Variants in NAA25 observed in about 807,000 individuals in gnomAD.
The protein encoded by NAA25 is N-alpha-acetyltransferase 25, NatB auxiliary subunit.
NAA25 carries 30 observed loss-of-function variants against 132.5 expected under a neutral mutation model. That is an observed-to-expected ratio of 0.23 (90% confidence interval 0.17 to 0.31). The LOEUF (loss-of-function observed/expected upper bound fraction) is 0.31, where lower values mean the gene tolerates loss of function less well. Among genes scored for constraint, NAA25 ranks in the 10% least tolerant of loss-of-function variants. The probability of loss-of-function intolerance (pLI) is 1.00; values close to 1 mark genes in which losing one functional copy is unlikely to be tolerated. For synonymous variants in NAA25, 359 were observed against 401.9 expected, an observed-to-expected ratio of 0.89 and a Z score of 1.28; for missense variants, 771 against 1,150.4, an observed-to-expected ratio of 0.67 and a Z score of 4.77.
At chr12:112,036,784 G>C (rs2078228565) in intron 22 of NAA25, among the ~76,000 whole-genome samples, 1 of 150,768 alleles carries the variant, frequency 6.6e-6, no homozygotes, top group Non-Finnish European at 1.5e-5. Flanking sequence ...GAAAGTGGAG[G>C]TTGTAGTGAT....
intron 4 of NAA25, among the ~76,000 whole-genome samples, chr12:112,086,073 T>TATATACACACACACAC (rs759148501): frequency 1.7e-4 from 9 of 53,976 alleles, no homozygotes; most frequent in South Asian, 1.0e-3. Flanking sequence ...TATATATATA[T>TATATACACACACACAC]ACACACACAC....
At chr12:112,060,863 C>G (rs2078617232) in intron 12 of NAA25, among the ~76,000 whole-genome samples, 1 of 152,062 alleles carries the variant, frequency 6.6e-6, no homozygotes, top group African/African-American at 2.4e-5. Flanking sequence ...CACTTACAGT[C>G]TATATATTAA....
intron 10 of NAA25, among the ~76,000 whole-genome samples, chr12:112,070,773 G>A (rs528878535): frequency 1.4e-4 from 21 of 152,194 alleles, no homozygotes; most frequent in African/African-American, 5.1e-4. Flanking sequence ...TTGAGACAGA[G>A]TCTCACTCTG....
At chr12:112,037,644 CACA>C (rs771704000) in intron 22 of NAA25, 1 of 134,722 alleles carries the variant, frequency 7.4e-6, no homozygotes, top group South Asian at 2.7e-4. Flanking sequence ...AATAATGGGA[CACA>C]ACAACATTAA....
In NAA25 at chr12:112,039,347, G is replaced by A. The variant is rs766493262; in HGVS notation, c.2539-8C>T. Reference sequence around the variant, plus strand: ...AAGGATAACAGAAATAGTCTGAAAGGAAAAATTGCAAATTCACCAATAAGG... The same window carrying A: ...AAGGATAACAGAAATAGTCTGAAAGAAAAAATTGCAAATTCACCAATAAGG... On this transcript the variant is annotated splice_polypyrimidine_tract_variant and splice_region_variant and intron_variant, in intron 21 of 23. Coordinates refer to ENST00000261745, the MANE Select transcript of NAA25 (RefSeq NM_024953.4). The A allele has an allele frequency of 3.9e-5, 61 of 1,548,776 alleles. 1 individual carries two copies. The Middle Eastern group carries it at 1.1e-3, about 29-fold the overall frequency.
At chr12:112,038,786 C>A (rs1565997642) in intron 22 of NAA25, among the ~76,000 whole-genome samples, 1 of 152,056 alleles carries the variant, frequency 6.6e-6, no homozygotes, top group Non-Finnish European at 1.5e-5. Flanking sequence ...TTGAGACCAG[C>A]CTGGCCAACA....
intron 23 of NAA25, among the ~76,000 whole-genome samples, chr12:112,031,048 G>A (rs572710742): frequency 1.3e-5 from 2 of 151,964 alleles, no homozygotes; most frequent in East Asian, 3.9e-4. Flanking sequence ...CCAAAGTGCT[G>A]AGATTACAGC....
At chr12:112,047,880 A>G in intron 16 of NAA25, 90 bp from the exon 17 acceptor site, 1 of 1,308,744 alleles carries the variant, frequency 7.6e-7, no homozygotes, top group African/African-American at 1.5e-5. Flanking sequence ...CTAGACAGGA[A>G]GGGAAAGAGG....
At chr12:112,039,377 C>T in intron 21 of NAA25, 38 bp from the exon 22 acceptor site, 1 of 1,205,388 alleles carries the variant, frequency 8.3e-7, no homozygotes, top group Non-Finnish European at 1.2e-6. Flanking sequence ...ATAAGGATTA[C>T]ACTAAAAATA....
At chr12:112,037,549 C>T (rs1555231779) in intron 22 of NAA25, 1 of 146,548 alleles carries the variant, frequency 6.8e-6, no homozygotes, top group Non-Finnish European at 1.5e-5. Context: ...TATCCTATAG[C>T]TTACTTATTA....
intron 13 of NAA25, among the ~76,000 whole-genome samples, chr12:112,056,143 G>A (rs1026673602): frequency 6.6e-6 from 1 of 152,130 alleles, no homozygotes. Context: ...AGACCAGCCT[G>A]GCCAACATGG....
chr12:112,078,792 T>C (rs781449026), intron 5 of NAA25, 51 bp from the exon 6 acceptor site: 39 of 1,428,920 alleles, frequency 2.7e-5, no homozygotes, highest in Admixed American at 5.2e-5. Flanking sequence ...GCTTGCACTA[T>C]TGATATTAAC....
intron 3 of NAA25, among the ~76,000 whole-genome samples, chr12:112,088,317 GTTTTTTTTTTT>G (rs1025838850): frequency 6.6e-5 from 5 of 75,582 alleles, no homozygotes; most frequent in African/African-American, 1.1e-4. Flanking sequence ...GTATATTGTA[GTTTTTTTTTTT>G]TTTTTTTTTT....
chr12:112,081,251 T>C, intron 4 of NAA25, 117 bp from the exon 5 acceptor site: 1 of 800,440 alleles, frequency 1.2e-6, no homozygotes, highest in South Asian at 1.7e-5. Context: ...ATATCCCAGT[T>C]AGTGTAAATT....
At chr12:112,095,640 T>C (rs1250385666) in intron 1 of NAA25, among the ~76,000 whole-genome samples, 1 of 114,546 alleles carries the variant, frequency 8.7e-6, no homozygotes, top group Admixed American at 8.4e-5. Context: ...AAACAAGAAA[T>C]GAACTATCAA....
chr12:112,053,472 G>A (rs2078496269), intron 15 of NAA25, 86 bp downstream of exon 15: 1 of 974,198 alleles, frequency 1.0e-6, no homozygotes, highest in Non-Finnish European at 1.6e-6. Context: ...ACCTTAACAT[G>A]TGTACTTGTG....
At chr12:112,096,886 T>A (rs1349164106) in intron 1 of NAA25, among the ~76,000 whole-genome samples, 1 of 152,186 alleles carries the variant, frequency 6.6e-6, no homozygotes, top group Non-Finnish European at 1.5e-5. Flanking sequence ...AGGGTAAACA[T>A]CTTTGATGAG....
intron 1 of NAA25, among the ~76,000 whole-genome samples, chr12:112,098,571 C>T (rs1215074170): frequency 6.6e-6 from 1 of 152,092 alleles, no homozygotes; most frequent in African/African-American, 2.4e-5. Context: ...GTAGTTTGGC[C>T]ATGAGGAATG....
rs67757055 is a variant in NAA25, at chr12:112,030,210, C to CAAA, written c.2797-560_2797-558dup. On this transcript the variant is annotated intron_variant, in intron 23 of 23. Coordinates refer to ENST00000261745, the MANE Select transcript of NAA25 (RefSeq NM_024953.4). ...CCTGGGCGACAGAGTAAAGCTGTCT[C>CAAA]AAAAAAAAAAAAAAAAAAAAAAAAA... 2.2e-3 allele frequency among the ~76,000 whole-genome samples: 115 copies of CAAA among 53,364 alleles called. 3 individuals carry two copies. Among genetic ancestry groups the CAAA allele is most frequent in the East Asian group, 9.4e-3 (20 of 2,136 alleles). The allele number at this position is 53,364 out of a possible 152,430, so 35.0% of individuals were successfully genotyped here.
Sources: allele counts gnomAD v4.1 joint callset (sites outside exome capture counted in the v4.1 genomes callset), GRCh38; gene constraint gnomAD v4.1.1; transcripts MANE v1.5; gene names NCBI Gene and HGNC (gene_info 2026-07-23, HGNC 2026-07-21).